TG: variants seen among roughly 807,000 people sequenced by gnomAD.
The protein encoded by TG is thyroid hormones.
Under a neutral mutation model 324.7 loss-of-function variants are expected in TG, and 270 were observed. The ratio of observed to expected loss-of-function variants is 0.83; its 90% CI spans 0.75 to 0.92. TG has a LOEUF of 0.92. Among genes scored for constraint, TG ranks in the 40% least tolerant of loss-of-function variants. TG has a pLI of 0.00. For missense variants in TG, 3,591 were observed against 3,456.4 expected, an observed-to-expected ratio of 1.04 and a Z score of -0.98; for synonymous variants, 1,401 against 1,327.0, an observed-to-expected ratio of 1.06 and a Z score of -1.21.
chr8:132,924,138 G>A (rs552241372), intron 22 of TG, among the ~76,000 whole-genome samples: 1 of 152,052 alleles, frequency 6.6e-6, no homozygotes, highest in African/African-American at 2.4e-5. Flanking sequence ...ATTTGGGGGT[G>A]ATGGGAGACA....
chr8:132,948,281 A>AAGAGCGAGAGTGAGCG (rs1177169062), intron 26 of TG, among the ~76,000 whole-genome samples: 1 of 151,628 alleles, frequency 6.6e-6, no homozygotes, highest in Non-Finnish European at 1.5e-5. Flanking sequence ...GAGCGAGAGC[A>AAGAGCGAGAGTGAGCG]AGAGCGAGAG....
At position 132,887,050 on chromosome 8, in the gene TG, G is replaced by A; in HGVS notation, c.1678G>A (p.Glu560Lys). Residue 560 changes from glutamate to lysine, a missense_variant, in exon 9 of 48, where the codon GAG (glutamate) becomes AAG (lysine). Coordinates refer to ENST00000220616, the MANE Select transcript of TG (RefSeq NM_003235.5). Reference protein sequence around the residue: ...GSFGFEINLQENQNALKFLAS... With the variant: ...GSFGFEINLQKNQNALKFLAS... ...CTTTGGCTTTGAAATTAACCTACAAGAGAACCAAAATGCCCTCAAATTCCT... is the reference window on the plus strand; with the variant it reads ...CTTTGGCTTTGAAATTAACCTACAAAAGAACCAAAATGCCCTCAAATTCCT... 2 of 1,614,206 alleles carry A rather than the reference G, an allele frequency of 1.2e-6. No homozygotes were observed. Among genetic ancestry groups the A allele is most frequent in the Non-Finnish European group, 1.7e-6 (2 of 1,180,040 alleles).
rs1240994807 is a variant in TG, at chr8:132,972,743, TA to T, written c.6199+4del. 6.2e-6 allele frequency: 10 copies of T among 1,613,990 alleles called. No homozygotes were observed. The highest frequency in any genetic ancestry group is 1.6e-4 in the Middle Eastern group (1 of 6,078). On this transcript the variant is annotated splice_donor_region_variant and intron_variant, in intron 34 of 47. Transcript: ENST00000220616. ...CCTTCGGATGGTACCAGAAGCCCAG[TA>T]AGTACCCTTCTCATGACAGCTATAT...
intron 23 of TG, among the ~76,000 whole-genome samples, chr8:132,932,670 T>C (rs1822893451): frequency 6.6e-6 from 1 of 152,254 alleles, no homozygotes; most frequent in African/African-American, 2.4e-5. Flanking sequence ...CACAGTTGAA[T>C]GCTTCATGCC....
chr8:133,075,087 C>T (rs1435246337), intron 41 of TG: 1 of 985,290 alleles, frequency 1.0e-6, no homozygotes, highest in Non-Finnish European at 1.2e-6. Context: ...AGGGCAGGTT[C>T]CTGTTTTCAG....
chr8:132,878,335 G>GGTCC (rs1814132463), intron 5 of TG, among the ~76,000 whole-genome samples: 2 of 151,962 alleles, frequency 1.3e-5, no homozygotes, highest in Admixed American at 1.3e-4. Flanking sequence ...AGCATCTTCA[G>GGTCC]GTCCAGCGCG....
chr8:132,943,835 A>G (rs1231748825), intron 26 of TG, among the ~76,000 whole-genome samples: 5 of 152,118 alleles, frequency 3.3e-5, no homozygotes, highest in African/African-American at 9.7e-5. Context: ...CCTGCTGTCC[A>G]GTTATTTCCA....
intron 15 of TG, 49 bp from the exon 16 acceptor site, chr8:132,901,304 A>G: frequency 6.2e-7 from 1 of 1,606,974 alleles, no homozygotes. Flanking sequence ...GCATCTGAGC[A>G]GGGAGTGGGC....
At chr8:132,973,793 G>T (rs542394529) in intron 34 of TG, among the ~76,000 whole-genome samples, 1 of 152,258 alleles carries the variant, frequency 6.6e-6, no homozygotes, top group South Asian at 2.1e-4. Flanking sequence ...CAACTAGGAG[G>T]AGTCAAATTA....
intron 22 of TG, among the ~76,000 whole-genome samples, chr8:132,925,952 C>T (rs771421623): frequency 6.6e-6 from 1 of 152,210 alleles, no homozygotes; most frequent in African/African-American, 2.4e-5. Flanking sequence ...CTCCCTGAGG[C>T]GCTGGCTTCT....
Position 132,923,479 on chromosome 8 carries a change from A to G in TG, c.4670A>G (p.Glu1557Gly), listed in dbSNP as rs774897423. The G allele has an allele frequency of 6.2e-7, 1 of 1,613,954 alleles. No homozygotes were observed. Among genetic ancestry groups the G allele is most frequent in the Admixed American group, 1.7e-5 (1 of 60,012 alleles). Reference protein sequence around the residue: ...EGRRLPWWETEAPLEDSQCLM... With the variant: ...EGRRLPWWETGAPLEDSQCLM... ...CGGAGGCTGCCATGGTGGGAAACAG[A>G]GGCCCCTCTTGAGGACTCACAGTGT... The change falls in exon 22 of 48, where the codon GAG becomes GGG. Residue 1557 changes from glutamate to glycine, a missense_variant. Glu to Gly is a moderately conservative substitution (Grantham distance 98). Transcript: ENST00000220616.
intron 14 of TG, among the ~76,000 whole-genome samples, chr8:132,899,415 C>G (rs1490958406): frequency 6.6e-6 from 1 of 152,154 alleles, no homozygotes; most frequent in Non-Finnish European, 1.5e-5. Context: ...ACTTACTTGC[C>G]AAGTGAGGGA....
At chr8:132,911,609 G>C in intron 19 of TG, 76 bp downstream of exon 19, 1 of 1,284,398 alleles carries the variant, frequency 7.8e-7, no homozygotes, top group Non-Finnish European at 1.1e-6. Context: ...CTGCCAAATG[G>C]AGCTGGTGAA....
At position 132,866,980 on chromosome 8, in the gene TG, C is replaced by T. The variant is rs1265752829; in HGVS notation, c.-21C>T. 1.9e-6 allele frequency: 3 copies of T among 1,577,426 alleles called. No homozygotes were observed. The highest frequency in any genetic ancestry group is 2.7e-5 in the African/African-American group (2 of 74,064). The stretch of plus-strand genomic sequence containing the variant: ...GGCAAGCAGTGGTTTCTCCTCCTTC[C>T]TCCCAGGAAGGGCCAGGAAAATGGC... On this transcript the variant is annotated 5_prime_UTR_variant, in exon 1 of 48. Transcript: ENST00000220616.
rs1000146533 is a variant in TG at position 132,935,611 on chromosome 8, C to T, written c.4933-145C>T. Reference sequence around the variant, plus strand: ...ACTCCTGGCTGCAAGTTACTGCTTACACATCTGTCTCCTCCAATAGACCAG... The same window carrying T: ...ACTCCTGGCTGCAAGTTACTGCTTATACATCTGTCTCCTCCAATAGACCAG... On this transcript the variant is annotated intron_variant, in intron 24 of 47. Coordinates refer to ENST00000220616, the MANE Select transcript of TG (RefSeq NM_003235.5). 3.2e-5 allele frequency: 23 copies of T among 718,662 alleles called. No homozygotes were observed. The African/African-American group carries it at 3.7e-4, about 11-fold the overall frequency. 44.5% of individuals were successfully genotyped at this position (718,662 alleles called of 1,614,324 possible).
chr8:132,921,555 T>A (rs1226208954), intron 21 of TG, among the ~76,000 whole-genome samples: 1 of 152,114 alleles, frequency 6.6e-6, no homozygotes, highest in Non-Finnish European at 1.5e-5. Flanking sequence ...GGCAGAAGAG[T>A]CTGCCAAGTT....
intron 43 of TG, among the ~76,000 whole-genome samples, chr8:133,112,018 C>T (rs1430486481): frequency 2.1e-5 from 3 of 143,948 alleles, no homozygotes; most frequent in Non-Finnish European, 4.8e-5. Context: ...CTACGTTCAC[C>T]CAGGAGGGGC....
chr8:133,060,019 C>T (rs570045845), intron 41 of TG: 50 of 1,423,492 alleles, frequency 3.5e-5, no homozygotes, highest in Middle Eastern at 2.6e-4. Context: ...TAAGTAGTTA[C>T]CGGCATCCAC....
intron 14 of TG, 79 bp downstream of exon 14, chr8:132,898,989 G>T (rs191422513): frequency 4.1e-6 from 5 of 1,225,266 alleles, no homozygotes; most frequent in African/African-American, 1.5e-5. Flanking sequence ...TGTTCAATAC[G>T]TTCAGCTTAG....
Sources: gnomAD v4.1 joint callset for allele counts (sites outside exome capture counted in the v4.1 genomes callset) on GRCh38, gnomAD v4.1.1 for gene constraint, MANE v1.5 for transcripts, NCBI Gene and HGNC (gene_info 2026-07-23, HGNC 2026-07-21) for gene names.